JAK2: variants seen among roughly 807,000 people sequenced by gnomAD.
The protein encoded by JAK2 is Janus kinase 2.
Under a neutral mutation model 139.3 loss-of-function variants are expected in JAK2, and 86 were observed. The observed-to-expected ratio is 0.62, with a 90% CI of 0.52 to 0.74. The LOEUF (loss-of-function observed/expected upper bound fraction) is 0.74. Ranked by LOEUF, JAK2 falls within the 30% of genes least tolerant of loss-of-function variation. The probability of loss-of-function intolerance (pLI) is 0.00; values close to 1 mark genes in which losing one functional copy is unlikely to be tolerated. For synonymous variants in JAK2, 490 were observed against 437.7 expected, an observed-to-expected ratio of 1.12 and a Z score of -1.49; for missense variants, 1,421 against 1,360.3, an observed-to-expected ratio of 1.04 and a Z score of -0.70.
At chr9:5,053,667 T>C (rs1208995437) in intron 6 of JAK2, among the ~76,000 whole-genome samples, 13 of 152,012 alleles carry the variant, frequency 8.6e-5, no homozygotes, top group East Asian at 1.9e-4. Flanking sequence ...GCTATGTACA[T>C]GCTTTCAAAA....
chr9:5,078,174 C>T (rs759274859), intron 15 of JAK2, 132 bp from the exon 16 acceptor site: 45 of 652,262 alleles, frequency 6.9e-5, no homozygotes, highest in Non-Finnish European at 1.0e-4. Flanking sequence ...CCTTTTTTCT[C>T]AATGCATGCC....
chr9:5,013,158 G>A (rs1821809936), intron 2 of JAK2, among the ~76,000 whole-genome samples: 1 of 151,990 alleles, frequency 6.6e-6, no homozygotes, highest in Non-Finnish European at 1.5e-5. Context: ...TTTCTTTCTT[G>A]CTCAATAAGA....
At chr9:5,081,522 C>G (rs888017610) in intron 18 of JAK2, among the ~76,000 whole-genome samples, 1 of 152,064 alleles carries the variant, frequency 6.6e-6, no homozygotes, top group African/African-American at 2.4e-5. Flanking sequence ...AAATTTTATC[C>G]TTTGCAAAGT....
chr9:4,987,025 C>G (rs985853216), intron 2 of JAK2, among the ~76,000 whole-genome samples: 3 of 152,202 alleles, frequency 2.0e-5, no homozygotes, highest in African/African-American at 7.2e-5. Flanking sequence ...TCCGCCTCAC[C>G]TTATACCACT....
At chr9:5,047,917 T>C (rs1005845085) in intron 5 of JAK2, among the ~76,000 whole-genome samples, 1 of 152,142 alleles carries the variant, frequency 6.6e-6, no homozygotes, top group African/African-American at 2.4e-5. Context: ...TTTTCAGTAG[T>C]TCTAATTAAA....
chr9:5,102,057 G>A (rs151255469), intron 22 of JAK2, among the ~76,000 whole-genome samples: 2 of 152,214 alleles, frequency 1.3e-5, no homozygotes, highest in African/African-American at 4.8e-5. Context: ...GCTGACAGAA[G>A]TAGGCTTCAG....
intron 22 of JAK2, among the ~76,000 whole-genome samples, chr9:5,102,120 C>G (rs774268251): frequency 6.6e-6 from 1 of 152,204 alleles, no homozygotes; most frequent in East Asian, 1.9e-4. Flanking sequence ...TCAAACCCAT[C>G]GCAAGGAAGC....
At chr9:5,110,797 G>C (rs1010499466) in intron 22 of JAK2, 2 of 412,390 alleles carry the variant, frequency 4.8e-6, no homozygotes, top group Non-Finnish European at 4.7e-6. Context: ...GGCCACGCGC[G>C]ACGCCTGGGG....
At chr9:5,072,699 C>A in intron 13 of JAK2, 73 bp downstream of exon 13, 1 of 1,101,662 alleles carries the variant, frequency 9.1e-7, no homozygotes, top group Non-Finnish European at 1.2e-6. Flanking sequence ...ATACAACGTA[C>A]TCATGTGTGC....
chr9:5,075,173 G>C (rs888190591), intron 14 of JAK2, among the ~76,000 whole-genome samples: 2 of 152,144 alleles, frequency 1.3e-5, no homozygotes, highest in African/African-American at 2.4e-5. Flanking sequence ...TTTAAGAAAA[G>C]AAGCCATGTG....
chr9:5,010,604 GC>G (rs1821636044), intron 2 of JAK2, among the ~76,000 whole-genome samples: 2 of 152,174 alleles, frequency 1.3e-5, no homozygotes, highest in Non-Finnish European at 2.9e-5. Context: ...ACAGGCGTGG[GC>G]CACCACGCCT....
At chr9:5,040,388 A>G (rs1816393198) in intron 4 of JAK2, among the ~76,000 whole-genome samples, 1 of 152,202 alleles carries the variant, frequency 6.6e-6, no homozygotes, top group East Asian at 1.9e-4. Flanking sequence ...GTGTACTTAG[A>G]TTAGGCAGTG....
At chr9:5,085,738 T>C (rs543776393) in intron 19 of JAK2, 48 of 753,750 alleles carry the variant, frequency 6.4e-5, no homozygotes, top group South Asian at 9.7e-5. Flanking sequence ...ATTAAGGCTG[T>C]GGCGCGCTGG....
At chr9:5,060,543 G>C (rs1436309637) in intron 8 of JAK2, among the ~76,000 whole-genome samples, 1 of 152,138 alleles carries the variant, frequency 6.6e-6, no homozygotes, top group Non-Finnish European at 1.5e-5. Flanking sequence ...TTATGCATAA[G>C]AAGCAACTTA....
chr9:5,088,540 T>C (rs1233382063), intron 19 of JAK2, among the ~76,000 whole-genome samples: 1 of 110,374 alleles, frequency 9.1e-6, no homozygotes, highest in African/African-American at 3.3e-5. Flanking sequence ...TAAAGACATC[T>C]TCAAAAAAAA....
chr9:5,052,046 G>A (rs1232652471), intron 6 of JAK2, among the ~76,000 whole-genome samples: 3 of 152,032 alleles, frequency 2.0e-5, no homozygotes, highest in Admixed American at 6.6e-5. Context: ...GAACATAGTT[G>A]GAGGAAGAGT....
intron 4 of JAK2, among the ~76,000 whole-genome samples, chr9:5,034,955 G>A (rs1044858220): frequency 1.3e-5 from 2 of 152,096 alleles, no homozygotes; most frequent in Non-Finnish European, 2.9e-5. Context: ...TGGAGCTGGT[G>A]TTTTGAAAAG....
chr9:5,029,470 G>A (rs891236764), intron 3 of JAK2, among the ~76,000 whole-genome samples: 2 of 152,158 alleles, frequency 1.3e-5, no homozygotes, highest in Admixed American at 6.5e-5. Flanking sequence ...AGCACGTGCT[G>A]TTGGAAAAAT....
At position 5,089,670 on chromosome 9, in the gene JAK2, T is replaced by A. The variant is rs1416209868; in HGVS notation, c.2572-4T>A. The stretch of plus-strand genomic sequence containing the variant: ...TTTCCATCCTAATGTGATGTGTCAT[T>A]TAGGGTAATTTTGGGAGTGTGGAGA... On this transcript the variant is annotated splice_polypyrimidine_tract_variant and splice_region_variant and intron_variant, in intron 19 of 24. Transcript: ENST00000381652. 7.4e-7 allele frequency: 1 copy of A among 1,344,394 alleles called. No individual in the cohort carries two copies. Among genetic ancestry groups the A allele is most frequent in the Non-Finnish European group, 9.6e-7 (1 of 1,037,074 alleles). The allele number at this position is 1,344,394 out of a possible 1,614,324, so 83.3% of individuals were successfully genotyped here. A position where few individuals can be genotyped will look rare whatever the true frequency, so the allele number is the denominator to read the frequency against.
Sources: gnomAD v4.1 joint callset for allele counts (sites outside exome capture counted in the v4.1 genomes callset) on GRCh38, gnomAD v4.1.1 for gene constraint, MANE v1.5 for transcripts, NCBI Gene and HGNC (gene_info 2026-07-23, HGNC 2026-07-21) for gene names.